Variants in NUP155 observed in about 807,000 individuals in gnomAD.
The protein encoded by NUP155 is nucleoporin 155, also known as nuclear pore complex protein Nup155.
Under a neutral mutation model 180.4 loss-of-function variants are expected in NUP155, and 71 were observed. That is an observed-to-expected ratio of 0.39 (90% confidence interval 0.33 to 0.48). NUP155 has a LOEUF of 0.48. NUP155 is among the 20% of genes least tolerant of loss of function. NUP155 has a pLI of 0.91. For missense variants in NUP155, 1,553 were observed against 1,648.9 expected (o/e 0.94, Z 1.01); for synonymous variants, 582 against 559.5 (o/e 1.04, Z -0.57).
intron 5 of NUP155, 103 bp from the exon 6 acceptor site, chr5:37,351,459 T>A: frequency 1.1e-6 from 1 of 882,812 alleles, no homozygotes. Context: ...ATTCTTTTTT[T>A]TTTTTCTTGA....
intron 21 of NUP155, among the ~76,000 whole-genome samples, chr5:37,315,437 A>G (rs548192726): frequency 6.6e-6 from 1 of 152,214 alleles, no homozygotes; most frequent in Non-Finnish European, 1.5e-5. Flanking sequence ...ACTACTTATA[A>G]TTGATAAAAA....
intron 33 of NUP155, among the ~76,000 whole-genome samples, 158 bp downstream of exon 33, chr5:37,294,171 T>C (rs1742391952): frequency 6.6e-6 from 1 of 152,106 alleles, no homozygotes; most frequent in African/African-American, 2.4e-5. Flanking sequence ...ACTCTCATTA[T>C]CAGTTTAAAA....
In NUP155 at chr5:37,364,400, GAAGT is replaced by G. The variant is rs774126894; in HGVS notation, c.158-20_158-17del. On this transcript the variant is annotated splice_polypyrimidine_tract_variant and intron_variant, in intron 1 of 34. Coordinates refer to ENST00000231498, the MANE Select transcript of NUP155 (RefSeq NM_153485.3). ...GTGGGATTATCTACAAAAAGAAAAT[GAAGT>G]ATTTATAATAATGTACTGCTCATCA... The G allele has an allele frequency of 1.9e-6, 3 of 1,609,224 alleles. No individual in the cohort carries two copies. Among genetic ancestry groups the G allele is most frequent in the Non-Finnish European group, 2.6e-6 (3 of 1,175,676 alleles).
chr5:37,366,656 C>A (rs918407075), intron 1 of NUP155, among the ~76,000 whole-genome samples: 1 of 118,276 alleles, frequency 8.5e-6, no homozygotes, highest in African/African-American at 3.1e-5. Flanking sequence ...CCAGGATAGT[C>A]TCAATCTTTT....
intron 13 of NUP155, among the ~76,000 whole-genome samples, chr5:37,333,176 G>A (rs1163025080): frequency 4.6e-5 from 7 of 151,634 alleles, no homozygotes; most frequent in African/African-American, 1.7e-4. Flanking sequence ...CCAACATGGT[G>A]AAACCCCATC....
rs217852 is a variant in NUP155, at chr5:37,364,341, C to T, written c.201G>A (p.Leu67=). 0.99 allele frequency: 1,602,932 copies of T among 1,611,486 alleles called. 797,604 individuals are homozygous for T. Among genetic ancestry groups the T allele is most frequent in the East Asian group, 1 (44,850 of 44,850 alleles). Residue 67 remains leucine, a synonymous_variant, in exon 2 of 35, where the codon TTG becomes TTA. Transcript: ENST00000231498. ...VSGMSDMDYP[L]QGPGLLSVPN... ...GTACGGACAGCAAACCAGGTCCTTG[C>T]AAAGGATAATCCATATCTGACATGC...
rs541645735 is a variant in NUP155 at position 37,317,108 on chromosome 5, G to C, written c.2305+880C>G. On this transcript the variant is annotated intron_variant, in intron 21 of 34. Transcript: ENST00000231498. ...GGAGTGAACCCGGGAGGTGGAGCTT[G>C]CAGTGAGCCGAGATCATGCCACTGC... Among the ~76,000 whole-genome samples, 4 of 151,920 alleles carry C rather than the reference G, an allele frequency of 2.6e-5. No individual in the cohort carries two copies. In the East Asian group the frequency reaches 7.8e-4, roughly 30 times the overall value.
Position 37,358,094 on chromosome 5 carries a change from C to T in NUP155, c.450G>A (p.Val150=). The change falls in exon 4 of 35, where the codon GTG becomes GTA. Residue 150 remains valine, a synonymous_variant. Transcript: ENST00000231498. ...TTTATTTCTTACCTGCTTTTGGCTT[C>T]ACAAGCCCCACAGCAAGAATAGTCT... The part of the protein sequence containing the change: ...LSETILAVGL[V]KPKAGIFQPH... 1 of 1,612,124 alleles carries T rather than the reference C, an allele frequency of 6.2e-7. No individual in the cohort carries two copies. Among genetic ancestry groups the T allele is most frequent in the Non-Finnish European group, 8.5e-7 (1 of 1,178,188 alleles).
Position 37,306,575 on chromosome 5 carries a change from C to T in NUP155, c.2903+722G>A, listed in dbSNP as rs554871192. ...CTCTGCCTCCCGGGTTAAAGCAATT[C>T]TCCTGCCTCAGCCTCCCAAGTTGCT... On this transcript the variant is annotated intron_variant, in intron 25 of 34. Transcript: ENST00000231498. Among the ~76,000 whole-genome samples the T allele has an allele frequency of 3.8e-4, 58 of 152,248 alleles. No individual in the cohort carries two copies. The South Asian group carries it at 0.012, about 31-fold the overall frequency.
chr5:37,342,581 A>G lies in NUP155; in HGVS notation c.1061T>C (p.Leu354Pro). ...TGTGACAGCCAATAACTGACAGTCC[A>G]GTGATTCAGAATTTTCAATCACTGC... Reference protein sequence around the residue: ...QIAVIENSESLDCQLLAVTHA... With the variant: ...QIAVIENSESPDCQLLAVTHA... The change falls in exon 10 of 35, where the codon CTG becomes CCG. Residue 354 changes from leucine to proline, a missense_variant. By Grantham distance (98) the Leu-to-Pro change is moderately conservative. Coordinates refer to ENST00000231498, the MANE Select transcript of NUP155 (RefSeq NM_153485.3). The G allele has an allele frequency of 6.2e-7, 1 of 1,612,818 alleles. No homozygotes were observed. The highest frequency in any genetic ancestry group is 1.1e-5 in the South Asian group (1 of 91,066).
intron 9 of NUP155, among the ~76,000 whole-genome samples, chr5:37,346,232 T>C (rs551480036): frequency 6.6e-6 from 1 of 152,032 alleles, no homozygotes; most frequent in Admixed American, 6.6e-5. Flanking sequence ...AGACTACAAT[T>C]GCAACACTGC....
At chr5:37,347,751 C>A (rs1303104677) in intron 9 of NUP155, among the ~76,000 whole-genome samples, 1 of 151,128 alleles carries the variant, frequency 6.6e-6, no homozygotes, top group Non-Finnish European at 1.5e-5. Context: ...CCTATAATCT[C>A]CACATTTTGG....
chr5:37,291,925 T>C lies in NUP155; in HGVS notation c.4151A>G (p.Gln1384Arg), dbSNP rs1458430449. Reference protein sequence around the residue: ...QAITGNFKSLQAKLERLH With the variant: ...QAITGNFKSLRAKLERLH ...TTAATGAAGCCGTTCTAATTTAGCT[T>C]GAAGAGATTTAAAATTCCCAGTGAT... Residue 1384 changes from glutamine (Q) to arginine (R), a missense_variant, in exon 35 of 35, where the codon CAA becomes CGA. Transcript: ENST00000231498. The C allele has an allele frequency of 6.2e-7, 1 of 1,614,110 alleles. No homozygotes were observed. Among genetic ancestry groups the C allele is most frequent in the Non-Finnish European group, 8.5e-7 (1 of 1,179,970 alleles).
rs1476767917 is a variant in NUP155, at chr5:37,314,319, A to T, written c.2315T>A (p.Leu772Gln). 1.9e-6 allele frequency: 3 copies of T among 1,602,468 alleles called. No individual in the cohort carries two copies. In the South Asian group the frequency reaches 3.3e-5, roughly 18 times the overall value. The change falls in exon 22 of 35, where the codon CTA becomes CAA. Residue 772 changes from leucine to glutamine, a missense_variant. By Grantham distance (113) the Leu-to-Gln change is moderately radical. Transcript: ENST00000231498. ...ELQRKFHEAQLSEKISLQAIQ... is the reference protein window; with the variant it reads ...ELQRKFHEAQQSEKISLQAIQ... ...TGCCTGAAGTGAAATCTTTTCACTTAGTTGAGCCTCTAATGAGAAAACAAA... is the reference window on the plus strand; with the variant it reads ...TGCCTGAAGTGAAATCTTTTCACTTTGTTGAGCCTCTAATGAGAAAACAAA...
intron 24 of NUP155, among the ~76,000 whole-genome samples, chr5:37,308,493 T>C (rs562543322): frequency 2.0e-5 from 3 of 151,986 alleles, no homozygotes; most frequent in Admixed American, 2.0e-4. Context: ...GGTCAGGAGA[T>C]TGAGACCATC....
At chr5:37,342,159 C>A (rs1313205798) in intron 10 of NUP155, among the ~76,000 whole-genome samples, 1 of 152,120 alleles carries the variant, frequency 6.6e-6, no homozygotes, top group African/African-American at 2.4e-5. Context: ...CCATGACAGC[C>A]TCCCAAGCAG....
At chr5:37,327,370 C>T (rs116409670) in intron 18 of NUP155, among the ~76,000 whole-genome samples, 8,981 of 152,092 alleles carry the variant, frequency 0.059, 338 homozygotes, top group South Asian at 0.13. Context: ...GGTTGGCATC[C>T]CCTAACCCCT....
Position 37,291,662 on chromosome 5 carries a change from T to C in NUP155, c.*238A>G, listed in dbSNP as rs1581121075. On this transcript the variant is annotated 3_prime_UTR_variant, in exon 35 of 35. Transcript: ENST00000231498. ...AGTTTCTAAATTTTTTTAATCCTTA[T>C]GTTAAAATAATAAATAATCTCATTT... 18 of 382,632 alleles carry C rather than the reference T, an allele frequency of 4.7e-5. No individual in the cohort carries two copies. In the East Asian group the frequency reaches 9.0e-4, roughly 19 times the overall value. The allele number at this position is 382,632 out of a possible 1,614,324, so 23.7% of individuals were successfully genotyped here. A position where few individuals can be genotyped will look rare whatever the true frequency, so the allele number is the denominator to read the frequency against.
At chr5:37,308,426 C>T (rs1055402371) in intron 24 of NUP155, among the ~76,000 whole-genome samples, 3 of 151,892 alleles carry the variant, frequency 2.0e-5, no homozygotes, top group African/African-American at 4.8e-5. Context: ...TGGCCGGGCG[C>T]GGTGGCTCAC....
Sources: allele counts gnomAD v4.1 joint callset (sites outside exome capture counted in the v4.1 genomes callset), GRCh38; gene constraint gnomAD v4.1.1; transcripts MANE v1.5; gene names NCBI Gene and HGNC (gene_info 2026-07-23, HGNC 2026-07-21).